The following LRRTM4 variants were observed in gnomAD, a reference collection of about 807,000 sequenced individuals.
The protein encoded by LRRTM4 is leucine-rich repeat transmembrane neuronal protein 4.
A neutral mutation model predicts 47.6 loss-of-function variants in LRRTM4; 25 were observed. The ratio of observed to expected loss-of-function variants is 0.53; its 90% CI spans 0.38 to 0.73. The LOEUF (loss-of-function observed/expected upper bound fraction) is 0.73. Among genes scored for constraint, LRRTM4 ranks in the 30% least tolerant of loss-of-function variants. The pLI, the probability that LRRTM4 is intolerant of heterozygous loss-of-function variation, is 0.00. For synonymous variants in LRRTM4, 311 were observed against 269.5 expected, an observed-to-expected ratio of 1.15 and a Z score of -1.51; for missense variants, 638 against 713.4, an observed-to-expected ratio of 0.89 and a Z score of 1.20.
intron 3 of LRRTM4, among the ~76,000 whole-genome samples, chr2:77,363,211 C>T (rs1252365763): frequency 1.3e-5 from 2 of 152,070 alleles, no homozygotes. Context: ...TTTACCGTGG[C>T]TTATCATTTA....
intron 3 of LRRTM4, among the ~76,000 whole-genome samples, chr2:77,149,328 G>A (rs9309512): frequency 0.013 from 1,974 of 150,732 alleles, 50 homozygotes; most frequent in African/African-American, 0.046. Context: ...TTTTTAATTT[G>A]TATGTTGTTG....
intron 3 of LRRTM4, among the ~76,000 whole-genome samples, chr2:76,865,779 G>T (rs1672449316): frequency 6.6e-6 from 1 of 152,076 alleles, no homozygotes; most frequent in Non-Finnish European, 1.5e-5. Flanking sequence ...AAATAAGAGA[G>T]AATTGTTATC....
At chr2:77,514,124 A>G (rs1196630513) in intron 3 of LRRTM4, among the ~76,000 whole-genome samples, 2 of 151,968 alleles carry the variant, frequency 1.3e-5, no homozygotes, top group Non-Finnish European at 2.9e-5. Flanking sequence ...ACACACACAC[A>G]TCCTATTTAA....
At chr2:76,843,656 C>T (rs923479004) in intron 3 of LRRTM4, among the ~76,000 whole-genome samples, 1 of 152,012 alleles carries the variant, frequency 6.6e-6, no homozygotes, top group African/African-American at 2.4e-5. Flanking sequence ...AATAAACAGA[C>T]AAAATAATAC....
chr2:76,918,127 T>G (rs1674316152), intron 3 of LRRTM4, among the ~76,000 whole-genome samples: 1 of 152,144 alleles, frequency 6.6e-6, no homozygotes, highest in Non-Finnish European at 1.5e-5. Context: ...ACAATGACAA[T>G]TATGTTAACA....
intron 3 of LRRTM4, among the ~76,000 whole-genome samples, chr2:76,760,131 G>A (rs1673199231): frequency 6.6e-6 from 1 of 152,108 alleles, no homozygotes; most frequent in Admixed American, 6.6e-5. Context: ...CTCTAAAGCT[G>A]TGAGCGTCTC....
intron 3 of LRRTM4, among the ~76,000 whole-genome samples, chr2:77,360,373 C>T (rs1015780955): frequency 6.6e-6 from 1 of 152,026 alleles, no homozygotes; most frequent in African/African-American, 2.4e-5. Context: ...AGGAGAATGG[C>T]GTGAACCCAG....
chr2:76,856,486 A>C (rs56887555), intron 3 of LRRTM4, among the ~76,000 whole-genome samples: 3,856 of 152,200 alleles, frequency 0.025, 162 homozygotes, highest in African/African-American at 0.08. Flanking sequence ...AAACATTATC[A>C]ATATACATAG....
intron 3 of LRRTM4, among the ~76,000 whole-genome samples, chr2:77,003,071 A>G (rs996077549): frequency 3.3e-5 from 5 of 151,890 alleles, no homozygotes; most frequent in Admixed American, 3.3e-4. Flanking sequence ...ATTTCTGTTT[A>G]TTTTTAATTT....
At chr2:76,873,506 GTATATATA>G (rs58469429) in intron 3 of LRRTM4, among the ~76,000 whole-genome samples, 13 of 112,314 alleles carry the variant, frequency 1.2e-4, no homozygotes, top group East Asian at 7.6e-4. Flanking sequence ...ATATATGTGT[GTATATATA>G]TATATATATA....
intron 3 of LRRTM4, among the ~76,000 whole-genome samples, chr2:76,975,216 T>C (rs1014224896): frequency 1.3e-5 from 2 of 151,770 alleles, no homozygotes. Flanking sequence ...TTTTTTCTCA[T>C]AGTGGTTTAC....
chr2:77,349,898 C>T (rs1671695849), intron 3 of LRRTM4, among the ~76,000 whole-genome samples: 1 of 152,158 alleles, frequency 6.6e-6, no homozygotes, highest in African/African-American at 2.4e-5. Flanking sequence ...TAATATTATA[C>T]CCCTATCTTA....
Position 77,476,188 on chromosome 2 carries a change from C to A in LRRTM4, c.1551+42130G>T, listed in dbSNP as rs191464982. Reference sequence around the variant, plus strand: ...GAAAGATTCATAAACCATGTGAGTTCATTAATGGAGTCAAGGCAAAAGCGT... The same window carrying A: ...GAAAGATTCATAAACCATGTGAGTTAATTAATGGAGTCAAGGCAAAAGCGT... On this transcript the variant is annotated intron_variant, in intron 3 of 3. Coordinates refer to ENST00000409884, the MANE Select transcript of LRRTM4 (RefSeq NM_001134745.3). Among the ~76,000 whole-genome samples the A allele has an allele frequency of 1.1e-3, 166 of 152,090 alleles. No individual in the cohort carries two copies. In the East Asian group the frequency reaches 0.023, roughly 21 times the overall value.
At chr2:77,209,876 A>G (rs1674243947) in intron 3 of LRRTM4, among the ~76,000 whole-genome samples, 1 of 152,340 alleles carries the variant, frequency 6.6e-6, no homozygotes, top group African/African-American at 2.4e-5. Flanking sequence ...GGACTAAAAA[A>G]GTAAAGCCCT....
chr2:76,986,470 G>C (rs757843170), intron 3 of LRRTM4, among the ~76,000 whole-genome samples: 2 of 151,738 alleles, frequency 1.3e-5, no homozygotes, highest in Admixed American at 6.6e-5. Flanking sequence ...TTCCTTTTTG[G>C]AGGTCTTCTC....
chr2:77,117,958 C>T (rs1558588912), intron 3 of LRRTM4, among the ~76,000 whole-genome samples: 2 of 151,902 alleles, frequency 1.3e-5, no homozygotes, highest in South Asian at 4.1e-4. Flanking sequence ...TCAAGCATCA[C>T]AGTGAATGTG....
intron 3 of LRRTM4, among the ~76,000 whole-genome samples, chr2:77,112,297 C>T (rs1671272405): frequency 6.6e-6 from 1 of 152,322 alleles, no homozygotes; most frequent in South Asian, 2.1e-4. Flanking sequence ...GGAATTTAAA[C>T]TGGCTCTTTA....
At chr2:77,182,044 C>T (rs1490868678) in intron 3 of LRRTM4, among the ~76,000 whole-genome samples, 4 of 152,086 alleles carry the variant, frequency 2.6e-5, no homozygotes, top group Non-Finnish European at 5.9e-5. Flanking sequence ...CCAGAAATGC[C>T]ATTTGACCTA....
intron 3 of LRRTM4, among the ~76,000 whole-genome samples, chr2:76,873,801 C>G (rs1672705696): frequency 6.6e-6 from 1 of 151,480 alleles, no homozygotes; most frequent in South Asian, 2.1e-4. Context: ...AGATTGATAT[C>G]TCAATCCTGA....
Sources: allele counts gnomAD v4.1 joint callset (sites outside exome capture counted in the v4.1 genomes callset), GRCh38; gene constraint gnomAD v4.1.1; transcripts MANE v1.5; gene names NCBI Gene and HGNC (gene_info 2026-07-23, HGNC 2026-07-21).